Variants in KIF13B observed in about 807,000 individuals in gnomAD.
KIF13B encodes kinesin family member 13B, also known as kinesin-like protein KIF13B.
A neutral mutation model predicts 222.0 loss-of-function variants in KIF13B; 127 were observed. The observed-to-expected ratio is 0.57, with a 90% CI of 0.50 to 0.66. KIF13B has a LOEUF of 0.66. KIF13B is among the 30% of genes least tolerant of loss of function. The probability of loss-of-function intolerance (pLI) is 0.00; values close to 1 mark genes in which losing one functional copy is unlikely to be tolerated. For synonymous variants in KIF13B, 976 were observed against 919.0 expected (o/e 1.06, Z -1.12); for missense variants, 2,173 against 2,379.0 (o/e 0.91, Z 1.80).
chr8:29,236,169 T>C (rs1337494033), intron 2 of KIF13B, among the ~76,000 whole-genome samples: 1 of 152,182 alleles, frequency 6.6e-6, no homozygotes, highest in African/African-American at 2.4e-5. Context: ...CACTGAAAAT[T>C]TGATGCCACC....
intron 10 of KIF13B, among the ~76,000 whole-genome samples, chr8:29,170,199 G>C (rs1214557617): frequency 1.3e-5 from 2 of 152,210 alleles, no homozygotes; most frequent in Non-Finnish European, 2.9e-5. Context: ...GGTGGCAACA[G>C]CAAATTAAAT....
At chr8:29,103,399 C>A (rs1007137316) in intron 35 of KIF13B, among the ~76,000 whole-genome samples, 2 of 152,090 alleles carry the variant, frequency 1.3e-5, no homozygotes, top group Non-Finnish European at 2.9e-5. Flanking sequence ...CAACTTCAGC[C>A]GGTCTTGGCA....
At chr8:29,157,838 A>AAC (rs1371244132) in intron 13 of KIF13B, among the ~76,000 whole-genome samples, 1 of 151,588 alleles carries the variant, frequency 6.6e-6, no homozygotes, top group African/African-American at 2.4e-5. Flanking sequence ...CTCAAAAAAA[A>AAC]AAAAAAAAAA....
Position 29,092,839 on chromosome 8 carries a change from T to G in KIF13B, c.4364A>C (p.Lys1455Thr). ...NLAASYLNPV[K>T]SFVPQMPKLL... is the part of the protein sequence containing the mutation. ...CTTTGGCATTTGCGGCACGAAGGAT[T>G]TGACAGGATTCAAGTAGGATGCTGC... The change falls in exon 37 of 40, where the codon AAA becomes ACA. Residue 1455 changes from lysine to threonine, a missense_variant. Lys to Thr is a moderately conservative substitution (Grantham distance 78). Around this residue, in one of 2 missense-constraint regions of KIF13B, gnomAD observed 693 missense variants for 656.2 expected, o/e 1.06. Transcript: ENST00000524189. 1 of 1,612,536 alleles carries G rather than the reference T, an allele frequency of 6.2e-7. No homozygotes were observed. The highest frequency in any genetic ancestry group is 8.5e-7 in the Non-Finnish European group (1 of 1,179,344).
intron 10 of KIF13B, among the ~76,000 whole-genome samples, chr8:29,173,600 C>A (rs1240747709): frequency 2.0e-5 from 3 of 150,290 alleles, no homozygotes; most frequent in Non-Finnish European, 1.5e-5. Context: ...CTAGCCTGGA[C>A]AACAGAGAGA....
At position 29,071,541 on chromosome 8, in the gene KIF13B, G is replaced by T; in HGVS notation, c.5218+79C>A. 1 of 1,315,422 alleles carries T rather than the reference G, an allele frequency of 7.6e-7. No homozygotes were observed. The highest frequency in any genetic ancestry group is 1.1e-6 in the Non-Finnish European group (1 of 947,722). The allele number at this position is 1,315,422 out of a possible 1,614,324, so 81.5% of individuals were successfully genotyped here. ...CCCCTCCCTCTCCTGCCCGGACCCT[G>T]TCCCCTCCCAGGCCGGCCACGTTCC... On this transcript the variant is annotated intron_variant, in intron 39 of 39. Transcript: ENST00000524189. The surrounding 1 kb of genome is among the most constrained non-coding windows in gnomAD (Gnocchi z 4.9).
intron 21 of KIF13B, among the ~76,000 whole-genome samples, chr8:29,139,170 A>G (rs1318413857): frequency 6.6e-6 from 1 of 152,150 alleles, no homozygotes; most frequent in African/African-American, 2.4e-5. Context: ...TATATTTGAG[A>G]TCTTCCATTA....
At chr8:29,127,598 G>C (rs80287142) in intron 24 of KIF13B, among the ~76,000 whole-genome samples, 4,573 of 152,154 alleles carry the variant, frequency 0.03, 236 homozygotes, top group African/African-American at 0.11. Context: ...TTAAATTAAA[G>C]CATGACACAC....
chr8:29,135,804 G>A (rs377484577), intron 21 of KIF13B, among the ~76,000 whole-genome samples: 15 of 152,160 alleles, frequency 9.9e-5, no homozygotes, highest in Admixed American at 7.2e-4. Context: ...GCTCAGACAC[G>A]AGAATCGCTT....
chr8:29,196,330 A>T, intron 2 of KIF13B, 131 bp from the exon 3 acceptor site: 1 of 759,538 alleles, frequency 1.3e-6, no homozygotes, highest in Non-Finnish European at 2.2e-6. Flanking sequence ...AAGAATATAA[A>T]ATAATACCTT....
In KIF13B at chr8:29,162,080, T is replaced by C. The variant is rs149256142; in HGVS notation, c.1270-1213A>G. Among the ~76,000 whole-genome samples, 3 of 152,314 alleles carry C rather than the reference T, an allele frequency of 2.0e-5. No individual in the cohort carries two copies. The East Asian group carries it at 5.8e-4, about 29-fold the overall frequency. ...TGAACATCTGTACATCGTAAGGATA[T>C]GGGCATGGATCTCACAACCAGATGC... On this transcript the variant is annotated intron_variant, in intron 12 of 39. Transcript: ENST00000524189.
intron 2 of KIF13B, among the ~76,000 whole-genome samples, chr8:29,226,409 T>G (rs1469482560): frequency 6.6e-6 from 1 of 152,220 alleles, no homozygotes; most frequent in Non-Finnish European, 1.5e-5. Context: ...AGCTTTTTAC[T>G]GGGCGGGTTC....
intron 2 of KIF13B, among the ~76,000 whole-genome samples, chr8:29,216,732 G>C (rs1814498049): frequency 6.6e-6 from 1 of 152,116 alleles, no homozygotes; most frequent in African/African-American, 2.4e-5. Context: ...TAAATGAAAA[G>C]ATGCTTGTTT....
At chr8:29,163,765 A>G (rs962045522) in intron 12 of KIF13B, among the ~76,000 whole-genome samples, 8 of 152,204 alleles carry the variant, frequency 5.3e-5, no homozygotes, top group Non-Finnish European at 1.2e-4. Flanking sequence ...GACCCCTGAG[A>G]GAGGAAAAGA....
At chr8:29,173,858 C>T (rs1040553707) in intron 10 of KIF13B, among the ~76,000 whole-genome samples, 7 of 150,728 alleles carry the variant, frequency 4.6e-5, no homozygotes, top group African/African-American at 1.2e-4. Context: ...GCAGAAGAAT[C>T]GCTTGATCCA....
chr8:29,223,721 A>G (rs910089317), intron 2 of KIF13B, among the ~76,000 whole-genome samples: 2 of 152,096 alleles, frequency 1.3e-5, no homozygotes, highest in African/African-American at 2.4e-5. Flanking sequence ...AATTCTATCA[A>G]TTTTCTTTGA....
Position 29,072,169 on chromosome 8 carries a change from G to A in KIF13B, c.4669C>T (p.Pro1557Ser), listed in dbSNP as rs1428654026. The A allele has an allele frequency of 2.1e-6, 3 of 1,429,562 alleles. No individual in the cohort carries two copies. Among genetic ancestry groups the A allele is most frequent in the Admixed American group, 2.9e-5 (1 of 34,524 alleles). 88.6% of individuals were successfully genotyped at this position (1,429,562 alleles called of 1,614,324 possible). ...GAGGCTTCACTCAGGGGGCTGGGGGGCCCGTCCTGTGCCTCCGGAGCCGGG... is the reference window on the plus strand; with the variant it reads ...GAGGCTTCACTCAGGGGGCTGGGGGACCCGTCCTGTGCCTCCGGAGCCGGG... Reference protein sequence around the residue: ...VTPAPEAQDGPPSPLSEASSG... With the variant: ...VTPAPEAQDGSPSPLSEASSG... Residue 1557 changes from proline to serine, a missense_variant, in exon 39 of 40, where the codon CCC (proline) becomes TCC (serine). Around this residue, in one of 2 missense-constraint regions of KIF13B, gnomAD observed 693 missense variants for 656.2 expected, o/e 1.06. Transcript: ENST00000524189.
intron 2 of KIF13B, among the ~76,000 whole-genome samples, chr8:29,206,002 G>A (rs779761627): frequency 1.3e-5 from 2 of 151,984 alleles, no homozygotes; most frequent in Non-Finnish European, 2.9e-5. Context: ...GAACTGGGAG[G>A]ATCACTTGAA....
intron 27 of KIF13B, 100 bp from the exon 28 acceptor site, chr8:29,123,592 C>T: frequency 1.4e-6 from 2 of 1,445,814 alleles, no homozygotes; most frequent in Non-Finnish European, 1.9e-6. Flanking sequence ...CAATTATTAG[C>T]TCACAAGTGC....
Sources: allele counts gnomAD v4.1 joint callset (sites outside exome capture counted in the v4.1 genomes callset), GRCh38; gene constraint gnomAD v4.1.1; regional missense constraint gnomAD v4.1.1; non-coding constraint Gnocchi (gnomAD v3.1); transcripts MANE v1.5; gene names NCBI Gene and HGNC (gene_info 2026-07-23, HGNC 2026-07-21).